Variants in MGAT4C observed in about 807,000 individuals in gnomAD.
MGAT4C encodes the protein alpha-1,3-mannosyl-glycoprotein 4-beta-N-acetylglucosaminyltransferase C.
A neutral mutation model predicts 40.1 loss-of-function variants in MGAT4C; 19 were observed. That is an observed-to-expected ratio of 0.47 (90% confidence interval 0.33 to 0.70). The LOEUF (loss-of-function observed/expected upper bound fraction) is 0.70, where lower values mean the gene tolerates loss of function less well. MGAT4C is among the 30% of genes least tolerant of loss of function. The pLI, the probability that MGAT4C is intolerant of heterozygous loss-of-function variation, is 0.02. For synonymous variants in MGAT4C, 181 were observed against 187.1 expected (o/e 0.97, Z 0.27); for missense variants, 491 against 563.2 (o/e 0.87, Z 1.30).
chr12:86,821,694 GTC>G (rs1952709406), intron 1 of MGAT4C, among the ~76,000 whole-genome samples: 1 of 150,884 alleles, frequency 6.6e-6, no homozygotes, highest in South Asian at 2.1e-4. Context: ...GGTTAGAACT[GTC>G]TGTTTGCTGC....
At chr12:86,757,534 C>A (rs1475787296) in intron 1 of MGAT4C, among the ~76,000 whole-genome samples, 1 of 152,058 alleles carries the variant, frequency 6.6e-6, no homozygotes, top group African/African-American at 2.4e-5. Context: ...TCATCCATTT[C>A]TCCCTGAGAT....
At chr12:86,643,382 C>G (rs894153007) in intron 2 of MGAT4C, among the ~76,000 whole-genome samples, 15 of 151,868 alleles carry the variant, frequency 9.9e-5, no homozygotes, top group Middle Eastern at 3.4e-3. Flanking sequence ...AAACACAAAA[C>G]ATTTTCATGA....
intron 2 of MGAT4C, among the ~76,000 whole-genome samples, chr12:86,678,554 T>C (rs1949910906): frequency 6.6e-6 from 1 of 151,108 alleles, no homozygotes; most frequent in Admixed American, 6.6e-5. Flanking sequence ...GCATTAGGTA[T>C]ATCTCCTAAA....
intron 2 of MGAT4C, among the ~76,000 whole-genome samples, chr12:86,644,687 A>G (rs548737256): frequency 1.3e-5 from 2 of 151,894 alleles, no homozygotes; most frequent in Non-Finnish European, 2.9e-5. Context: ...TGACGAATAG[A>G]TCAACGAATA....
intron 1 of MGAT4C, among the ~76,000 whole-genome samples, chr12:86,108,659 T>C (rs1000837061): frequency 1.3e-5 from 2 of 152,138 alleles, no homozygotes; most frequent in Admixed American, 1.3e-4. Flanking sequence ...AAAAATCCTT[T>C]TGACATATAG....
Position 86,572,179 on chromosome 12 carries a change from T to C in MGAT4C, c.-228-136914A>G, listed in dbSNP as rs571477061. ...AGATTAGCTTTGTGCACTGGAAGAG[T>C]GTGTGAGATTAAACTAAAAATGGGA... On this transcript the variant is annotated intron_variant, in intron 2 of 7. Coordinates refer to the MGAT4C transcript ENST00000548651. 6.6e-5 allele frequency among the ~76,000 whole-genome samples: 10 copies of C among 152,180 alleles called. No individual in the cohort carries two copies. The South Asian group carries it at 1.7e-3, about 25-fold the overall frequency.
intron 3 of MGAT4C, among the ~76,000 whole-genome samples, chr12:86,343,819 T>C (rs1320296091): frequency 2.0e-5 from 3 of 152,206 alleles, no homozygotes; most frequent in Non-Finnish European, 4.4e-5. Flanking sequence ...TAAAAAACTA[T>C]TGAAGTTAAG....
At chr12:86,049,645 A>G in intron 2 of MGAT4C, 29 bp downstream of exon 2, 1 of 963,708 alleles carries the variant, frequency 1.0e-6, no homozygotes, top group Non-Finnish European at 1.2e-6. Context: ...GTACCTTAGA[A>G]TACTACCATG....
Position 86,177,973 on chromosome 12 carries a change from G to A in MGAT4C, c.-57+78266C>T, listed in dbSNP as rs112676959. On this transcript the variant is annotated intron_variant, in intron 1 of 4. Transcript: ENST00000611864. Reference sequence around the variant, plus strand: ...TTTTTTTGAGACAGAGTCTCACTCTGTCACCCAGGCTGGAGTGCAGTGGCG... The same window carrying A: ...TTTTTTTGAGACAGAGTCTCACTCTATCACCCAGGCTGGAGTGCAGTGGCG... Among the ~76,000 whole-genome samples, 958 of 152,216 alleles carry A rather than the reference G, an allele frequency of 6.3e-3. 12 individuals carry two copies. Among genetic ancestry groups the A allele is most frequent in the African/African-American group, 0.023 (935 of 41,536 alleles).
intron 3 of MGAT4C, among the ~76,000 whole-genome samples, chr12:86,406,413 G>C (rs1378992361): frequency 7.2e-5 from 11 of 151,926 alleles, no homozygotes; most frequent in Admixed American, 7.2e-4. Flanking sequence ...AAGACAATCT[G>C]ATAAAACACA....
chr12:86,537,041 A>C (rs908633375), intron 2 of MGAT4C, among the ~76,000 whole-genome samples: 2 of 152,228 alleles, frequency 1.3e-5, no homozygotes, highest in African/African-American at 2.4e-5. Context: ...TGCAGCCATA[A>C]AAAATGATGA....
intron 2 of MGAT4C, among the ~76,000 whole-genome samples, chr12:86,524,494 G>C (rs1958847029): frequency 6.6e-6 from 1 of 152,026 alleles, no homozygotes; most frequent in African/African-American, 2.4e-5. Context: ...TAGCTGCCTT[G>C]AACACTTTTT....
chr12:86,650,813 T>C (rs1378994209), intron 2 of MGAT4C, among the ~76,000 whole-genome samples: 1 of 151,890 alleles, frequency 6.6e-6, no homozygotes, highest in Non-Finnish European at 1.5e-5. Context: ...CTAAATACTT[T>C]CATAGGGACT....
rs1032072377 is a variant in MGAT4C at position 86,034,988 on chromosome 12, T to C, written c.-7+14686A>G. 3.3e-5 allele frequency among the ~76,000 whole-genome samples: 5 copies of C among 150,052 alleles called. 1 individual carries two copies. Among genetic ancestry groups the C allele is most frequent in the African/African-American group, 1.2e-4 (5 of 41,292 alleles). On this transcript the variant is annotated intron_variant, in intron 2 of 4. Transcript: ENST00000611864. ...TTATCTAGTCTATCACTGATGGGCA[T>C]TTGAGTTGGTTCCAAGTCTTTGCTA...
At chr12:86,620,171 A>G (rs1218935946) in intron 2 of MGAT4C, among the ~76,000 whole-genome samples, 1 of 152,140 alleles carries the variant, frequency 6.6e-6, no homozygotes. Flanking sequence ...AAATACTAAA[A>G]ATAGAACTAC....
At chr12:86,101,461 T>C (rs561933529) in intron 1 of MGAT4C, among the ~76,000 whole-genome samples, 5 of 151,362 alleles carry the variant, frequency 3.3e-5, no homozygotes, top group Non-Finnish European at 5.9e-5. Flanking sequence ...GATGAGGGAG[T>C]TGAGATAGTA....
intron 1 of MGAT4C, among the ~76,000 whole-genome samples, chr12:86,072,045 TGTGTGTG>T (rs1868615215): frequency 6.6e-6 from 1 of 151,868 alleles, no homozygotes; most frequent in African/African-American, 2.4e-5. Flanking sequence ...TGTGTGTGTG[TGTGTGTG>T]TGTGTGTGTT....
rs1884201157 is a variant in MGAT4C at position 85,978,776 on chromosome 12, A to G, written c.*513T>C. The G allele has an allele frequency of 6.6e-6, 1 of 151,734 alleles. No individual in the cohort carries two copies. The allele number at this position is 151,734 out of a possible 1,614,324, so 9.4% of individuals were successfully genotyped here. ...ACACAAAAAATTATGTAAAGACACCACTTCTATGAGGAGGTATTCATTGTA... is the reference window on the plus strand; with the variant it reads ...ACACAAAAAATTATGTAAAGACACCGCTTCTATGAGGAGGTATTCATTGTA... On this transcript the variant is annotated 3_prime_UTR_variant, in exon 5 of 5. Coordinates refer to ENST00000611864, the MANE Select transcript of MGAT4C (RefSeq NM_001351288.2).
intron 3 of MGAT4C, among the ~76,000 whole-genome samples, chr12:86,381,815 G>A (rs1955934941): frequency 6.6e-6 from 1 of 152,116 alleles, no homozygotes; most frequent in African/African-American, 2.4e-5. Flanking sequence ...ACGGGGGCAG[G>A]TCTTTCCTGT....
Sources: allele counts gnomAD v4.1 joint callset (sites outside exome capture counted in the v4.1 genomes callset), GRCh38; gene constraint gnomAD v4.1.1; transcripts MANE v1.5; gene names NCBI Gene and HGNC (gene_info 2026-07-23, HGNC 2026-07-21).